Variants in FGF13 observed in about 807,000 individuals in gnomAD.
FGF13 encodes fibroblast growth factor 13, also known as fibroblast growth factor homologous factor 2.
A neutral mutation model predicts 19.5 loss-of-function variants in FGF13; 2 were observed. The ratio of observed to expected loss-of-function variants is 0.10; its 90% confidence interval spans 0.04 to 0.32. The LOEUF (loss-of-function observed/expected upper bound fraction) is 0.32. FGF13 is among the 10% of genes least tolerant of loss of function. The probability of loss-of-function intolerance (pLI) is 1.00; values close to 1 mark genes in which losing one functional copy is unlikely to be tolerated. For missense variants in FGF13, 113 were observed against 192.7 expected (o/e 0.59, Z 2.45); for synonymous variants, 72 against 76.9 (o/e 0.94, Z 0.33).
intron 1 of FGF13, among the ~76,000 whole-genome samples, chrX:139,098,678 G>T (rs1307395221): frequency 9.0e-6 from 1 of 111,268 alleles, no homozygotes; most frequent in Non-Finnish European, 1.9e-5. Flanking sequence ...GAAGCTAAAC[G>T]CTGGGTACGC....
At chrX:139,060,600 T>C (rs1028670457) in intron 1 of FGF13, among the ~76,000 whole-genome samples, 5 of 111,846 alleles carry the variant, frequency 4.5e-5, no homozygotes, top group African/African-American at 1.6e-4. Flanking sequence ...ATATTTTTCC[T>C]ATAAAAGCTT....
At chrX:139,142,250 T>A (rs1465060454) in intron 1 of FGF13, among the ~76,000 whole-genome samples, 1 of 112,126 alleles carries the variant, frequency 8.9e-6, no homozygotes, top group East Asian at 2.8e-4. Context: ...ATGTTTATTG[T>A]CAATATTTTA....
intron 1 of FGF13, among the ~76,000 whole-genome samples, chrX:138,925,335 C>G (rs887984577): frequency 1.8e-5 from 2 of 111,391 alleles, no homozygotes; most frequent in African/African-American, 6.5e-5. Flanking sequence ...CCTTACCACC[C>G]TGTGTTATCA....
At chrX:139,184,765 T>G (rs1168163903) in intron 1 of FGF13, among the ~76,000 whole-genome samples, 1 of 112,419 alleles carries the variant, frequency 8.9e-6, no homozygotes, top group Admixed American at 9.4e-5. Flanking sequence ...CAATAAATAT[T>G]TGTTGAATTA....
chrX:138,742,987 A>G (rs2090329908), upstream of FGF13, among the ~76,000 whole-genome samples: 1 of 111,694 alleles, frequency 9.0e-6, no homozygotes, highest in African/African-American at 3.3e-5. Context: ...GGAAGAATTG[A>G]TGGAAAGGAG....
chrX:139,013,193 T>C (rs1359735800), intron 1 of FGF13, among the ~76,000 whole-genome samples: 1 of 109,581 alleles, frequency 9.1e-6, no homozygotes, highest in East Asian at 2.9e-4. Context: ...CAAAAAGTAA[T>C]AGATGTTGGC....
In FGF13 at chrX:138,917,246, T is replaced by C. The variant is rs772249465; in HGVS notation, c.-112-52596A>G. Among the ~76,000 whole-genome samples the C allele has an allele frequency of 5.4e-5, 6 of 111,838 alleles. No individual in the cohort carries two copies. In the East Asian group the frequency reaches 1.7e-3, roughly 32 times the overall value. On this transcript the variant is annotated intron_variant, in intron 1 of 2. Coordinates refer to the FGF13 transcript ENST00000421460. ...GAAGCCCTAACCTGCAATGTGATGA[T>C]ACTAGGAGCTGAGTCCTTTGAGAGG...
intron 1 of FGF13, among the ~76,000 whole-genome samples, chrX:139,190,587 G>T (rs984251547): frequency 9.0e-6 from 1 of 111,148 alleles, no homozygotes; most frequent in Non-Finnish European, 1.9e-5. Context: ...TAGTGGGAAG[G>T]TTAGACCAAA....
chrX:138,952,242 G>A (rs1227423598), intron 1 of FGF13, among the ~76,000 whole-genome samples: 6 of 111,129 alleles, frequency 5.4e-5, no homozygotes, highest in African/African-American at 1.6e-4. Flanking sequence ...ATACACCAAC[G>A]GAGCAGAACA....
At chrX:138,889,470 T>A (rs190378767) in intron 1 of FGF13, among the ~76,000 whole-genome samples, 5 of 112,003 alleles carry the variant, frequency 4.5e-5, no homozygotes, top group Non-Finnish European at 9.4e-5. Context: ...TGATTTGGTG[T>A]CACCATGGCA....
intron 3 of FGF13, among the ~76,000 whole-genome samples, chrX:138,700,045 TC>T (rs1465646646): frequency 6.6e-4 from 73 of 110,210 alleles, no homozygotes; most frequent in African/African-American, 2.4e-3. Context: ...TGAAGACACC[TC>T]ATTCTCATCT....
At position 139,010,187 on chromosome X, in the gene FGF13, G is replaced by A. The variant is rs769029269; in HGVS notation, c.-112-145537C>T. On this transcript the variant is annotated intron_variant, in intron 1 of 2. Transcript: ENST00000421460. ...TACTAGACCTAAAAATGAGATAGAT[G>A]GCAACACAATAATAGTGGGTGACTT... is the stretch of plus-strand genomic sequence containing the variant. 9.0e-5 allele frequency among the ~76,000 whole-genome samples: 10 copies of A among 111,205 alleles called. No homozygotes were observed. In the East Asian group the frequency reaches 1.4e-3, roughly 16 times the overall value.
intron 1 of FGF13, among the ~76,000 whole-genome samples, chrX:139,173,652 G>A (rs1377064196): frequency 1.8e-5 from 2 of 110,855 alleles, no homozygotes; most frequent in Non-Finnish European, 3.8e-5. Context: ...AACATGCAGT[G>A]TCTGGTTTTC....
chrX:139,154,494 AG>A (rs2083961534), intron 1 of FGF13, among the ~76,000 whole-genome samples: 2 of 112,100 alleles, frequency 1.8e-5, no homozygotes, highest in Admixed American at 1.9e-4. Flanking sequence ...ATTATGAACA[AG>A]GGCTCTTCAG....
intron 3 of FGF13, among the ~76,000 whole-genome samples, chrX:138,692,893 A>G (rs767375662): frequency 1.4e-4 from 15 of 111,018 alleles, no homozygotes; most frequent in African/African-American, 4.6e-4. Flanking sequence ...TATGTGCTCC[A>G]TGACCTCTAA....
In FGF13 at chrX:139,127,227, G is replaced by A. The variant is rs773050392; in HGVS notation, c.-113+76189C>T. Among the ~76,000 whole-genome samples, 225 of 111,311 alleles carry A rather than the reference G, an allele frequency of 2.0e-3. 2 individuals carry two copies. Among genetic ancestry groups the A allele is most frequent in the Middle Eastern group, 9.3e-3 (2 of 214 alleles). Reference sequence around the variant, plus strand: ...ATCACCACCTGGTCAGAGGAAGGGAGGCGATCATAGGAGTGAAAATGTTCT... The same window carrying A: ...ATCACCACCTGGTCAGAGGAAGGGAAGCGATCATAGGAGTGAAAATGTTCT... On this transcript the variant is annotated intron_variant, in intron 1 of 2. Coordinates refer to the FGF13 transcript ENST00000421460.
rs2089045511 is a variant in FGF13, at chrX:138,625,059, A to G, written c.*7791T>C. On this transcript the variant is annotated 3_prime_UTR_variant, in exon 5 of 5. Transcript: ENST00000315930. ...AGACATCTCTCCAAGGAAGACATAC[A>G]AATGGCCAACATATATCTGAAAAGG... 9.0e-6 allele frequency: 1 copy of G among 111,042 alleles called. No individual in the cohort carries two copies. Among genetic ancestry groups the G allele is most frequent in the Non-Finnish European group, 1.9e-5 (1 of 53,027 alleles). 9.2% of individuals were successfully genotyped at this position (111,042 alleles called of 1,213,427 possible). A position where few individuals can be genotyped will look rare whatever the true frequency, so the allele number is the denominator to read the frequency against.
chrX:138,913,136 C>T (rs1403099124), intron 1 of FGF13, among the ~76,000 whole-genome samples: 1 of 102,779 alleles, frequency 9.7e-6, no homozygotes, highest in Non-Finnish European at 2.0e-5. Flanking sequence ...AGGGAAGGAC[C>T]TTGTTATGAT....
At chrX:139,182,710 A>C (rs2084250029) in intron 1 of FGF13, among the ~76,000 whole-genome samples, 1 of 112,072 alleles carries the variant, frequency 8.9e-6, no homozygotes, top group Non-Finnish European at 1.9e-5. Context: ...TCAATTGTGA[A>C]TAATGCTAAT....
Sources: gnomAD v4.1 joint callset for allele counts (sites outside exome capture counted in the v4.1 genomes callset) on GRCh38, gnomAD v4.1.1 for gene constraint, MANE v1.5 for transcripts, NCBI Gene and HGNC (gene_info 2026-07-23, HGNC 2026-07-21) for gene names.